Variants in LRRC4C observed in about 807,000 individuals in gnomAD.
LRRC4C encodes the protein leucine-rich repeat-containing protein 4C.
A neutral mutation model predicts 33.6 loss-of-function variants in LRRC4C; 5 were observed. The ratio of observed to expected loss-of-function variants is 0.15; its 90% confidence interval spans 0.08 to 0.31. The LOEUF is 0.31. Ranked by LOEUF, LRRC4C falls within the 10% of genes least tolerant of loss-of-function variation. The pLI is 1.00. For synonymous variants in LRRC4C, 329 were observed against 302.0 expected (o/e 1.09, Z -0.93); for missense variants, 560 against 796.7 (o/e 0.70, Z 3.58).
intron 3 of LRRC4C, among the ~76,000 whole-genome samples, chr11:40,464,854 G>T (rs941986240): frequency 2.0e-5 from 3 of 151,852 alleles, no homozygotes; most frequent in Non-Finnish European, 4.4e-5. Context: ...CACATGGATT[G>T]GAAGAATCAA....
intron 1 of LRRC4C, among the ~76,000 whole-genome samples, chr11:41,436,199 C>T (rs770033258): frequency 1.4e-4 from 22 of 152,024 alleles, no homozygotes; most frequent in Non-Finnish European, 2.6e-4. Flanking sequence ...GCAAGACTGT[C>T]TCCGAAAAAA....
rs1855430917 is a variant in LRRC4C at position 40,116,342 on chromosome 11, A to G, written c.-42-8T>C. 1.6e-5 allele frequency: 24 copies of G among 1,524,712 alleles called. No homozygotes were observed. The highest frequency in any genetic ancestry group is 2.0e-5 in the Non-Finnish European group (23 of 1,137,896). The allele number at this position is 1,524,712 out of a possible 1,614,324, so 94.4% of individuals were successfully genotyped here. On this transcript the variant is annotated splice_region_variant and splice_polypyrimidine_tract_variant and intron_variant, in intron 6 of 6. Transcript: ENST00000528697. ...TTCTGGAATTCAAACAGTCTGCAAA[A>G]TACAAGCAAAAAAAACCAATTATTA...
chr11:40,271,501 T>C (rs933979998), intron 4 of LRRC4C, among the ~76,000 whole-genome samples: 2 of 152,226 alleles, frequency 1.3e-5, no homozygotes, highest in Admixed American at 6.5e-5. Context: ...GTGGTTAGCA[T>C]ACCACATAGC....
At chr11:41,115,476 T>C (rs1306869725) in intron 1 of LRRC4C, among the ~76,000 whole-genome samples, 1 of 151,952 alleles carries the variant, frequency 6.6e-6, no homozygotes. Flanking sequence ...TGTCAAAAAT[T>C]ATTTTTGCTA....
At chr11:40,580,845 C>T (rs1958434933) in intron 3 of LRRC4C, among the ~76,000 whole-genome samples, 1 of 152,138 alleles carries the variant, frequency 6.6e-6, no homozygotes, top group Admixed American at 6.5e-5. Flanking sequence ...TAAACCCTTG[C>T]CTATCTATAT....
At chr11:41,347,296 T>C (rs1380700626) in intron 1 of LRRC4C, among the ~76,000 whole-genome samples, 1 of 152,216 alleles carries the variant, frequency 6.6e-6, no homozygotes, top group Non-Finnish European at 1.5e-5. Context: ...GCCTCTAGTA[T>C]ACTTACTGAA....
At chr11:41,097,230 C>A (rs931127030) in intron 1 of LRRC4C, among the ~76,000 whole-genome samples, 5 of 152,082 alleles carry the variant, frequency 3.3e-5, no homozygotes, top group African/African-American at 9.7e-5. Context: ...AAGAAATATG[C>A]AAGAATCCTG....
rs142608901 is a variant in LRRC4C, at chr11:41,232,845, G to A, written c.-496+226586C>T. On this transcript the variant is annotated intron_variant, in intron 1 of 6. Coordinates refer to ENST00000528697, the MANE Select transcript of LRRC4C (RefSeq NM_001258419.2). ...TCAAATAAGAACAATTAGCAATTTT[G>A]TGAATTGGCTGCCTGTTCACATTTA... is the stretch of plus-strand genomic sequence containing the variant. Among the ~76,000 whole-genome samples the A allele has an allele frequency of 7.9e-5, 12 of 151,878 alleles. 1 individual carries two copies. The East Asian group carries it at 2.3e-3, about 29-fold the overall frequency.
At chr11:40,532,360 C>A (rs1956304703) in intron 3 of LRRC4C, among the ~76,000 whole-genome samples, 1 of 151,880 alleles carries the variant, frequency 6.6e-6, no homozygotes, top group Admixed American at 6.6e-5. Flanking sequence ...AGAGTGCATT[C>A]AACTTCTAAG....
rs78271947 is a variant in LRRC4C, at chr11:40,832,928, T to C, written c.-407+100707A>G. On this transcript the variant is annotated intron_variant, in intron 2 of 6. Coordinates refer to ENST00000528697, the MANE Select transcript of LRRC4C (RefSeq NM_001258419.2). ...CAAGGCAGTGTGTTTTGGTTGTAGATAGAAAAACATGCAGCTCAACACAAG... is the reference window on the plus strand; with the variant it reads ...CAAGGCAGTGTGTTTTGGTTGTAGACAGAAAAACATGCAGCTCAACACAAG... Among the ~76,000 whole-genome samples, 1,298 of 152,238 alleles carry C rather than the reference T, an allele frequency of 8.5e-3. 11 individuals are homozygous for C. Among genetic ancestry groups the C allele is most frequent in the Non-Finnish European group, 0.014 (918 of 67,996 alleles).
intron 3 of LRRC4C, among the ~76,000 whole-genome samples, chr11:40,586,523 G>A (rs1303158574): frequency 6.7e-6 from 1 of 148,426 alleles, no homozygotes; most frequent in African/African-American, 2.5e-5. Context: ...CATTGATTTT[G>A]GTGTTTTAGA....
At chr11:40,907,041 G>A (rs1253016714) in intron 2 of LRRC4C, among the ~76,000 whole-genome samples, 4 of 152,152 alleles carry the variant, frequency 2.6e-5, no homozygotes, top group African/African-American at 9.7e-5. Flanking sequence ...ACTGTCAGGA[G>A]GGAGAGGGCT....
At chr11:40,830,441 G>T (rs929629616) in intron 2 of LRRC4C, among the ~76,000 whole-genome samples, 12 of 152,028 alleles carry the variant, frequency 7.9e-5, no homozygotes, top group African/African-American at 2.4e-4. Flanking sequence ...CAGTGTTTTA[G>T]GTTTTCTAAG....
chr11:40,289,552 G>A (rs2136545940), intron 4 of LRRC4C, among the ~76,000 whole-genome samples: 1 of 152,260 alleles, frequency 6.6e-6, no homozygotes, highest in South Asian at 2.1e-4. Context: ...CTTTCAGTGG[G>A]CACCAACCTG....
chr11:40,367,413 C>G (rs1948257643), intron 3 of LRRC4C, among the ~76,000 whole-genome samples: 1 of 152,114 alleles, frequency 6.6e-6, no homozygotes, highest in Admixed American at 6.6e-5. Flanking sequence ...AAAGGTCCCA[C>G]CACTGAATTG....
intron 1 of LRRC4C, among the ~76,000 whole-genome samples, chr11:41,239,321 CAAAAAAAAA>C (rs56018613): frequency 1.5e-4 from 8 of 55,168 alleles, no homozygotes; most frequent in Admixed American, 3.2e-4. Context: ...GACTCTGTCT[CAAAAAAAAA>C]AAAAAAAAAA....
chr11:40,455,493 G>A (rs946504657), intron 3 of LRRC4C, among the ~76,000 whole-genome samples: 1 of 152,202 alleles, frequency 6.6e-6, no homozygotes, highest in Non-Finnish European at 1.5e-5. Context: ...GATACCACAA[G>A]AGAAGAAGGG....
At chr11:40,730,853 T>A (rs1947535706) in intron 2 of LRRC4C, among the ~76,000 whole-genome samples, 1 of 152,174 alleles carries the variant, frequency 6.6e-6, no homozygotes, top group African/African-American at 2.4e-5. Context: ...TCATGTTTAT[T>A]TTTTACTTTC....
intron 3 of LRRC4C, among the ~76,000 whole-genome samples, chr11:40,633,331 T>C (rs979172331): frequency 5.3e-5 from 1 of 18,768 alleles, no homozygotes; most frequent in Admixed American, 7.9e-4. Flanking sequence ...TTCTTTTTCT[T>C]TCTTTCTTTC....
Sources: gnomAD v4.1 joint callset for allele counts (sites outside exome capture counted in the v4.1 genomes callset) on GRCh38, gnomAD v4.1.1 for gene constraint, MANE v1.5 for transcripts, NCBI Gene and HGNC (gene_info 2026-07-23, HGNC 2026-07-21) for gene names.